The following KLF12 variants were observed in gnomAD, a reference collection of about 807,000 sequenced individuals.
KLF12 encodes the protein Krueppel-like factor 12.
KLF12 carries 9 observed loss-of-function variants against 37.8 expected under a neutral mutation model. The ratio of observed to expected loss-of-function variants is 0.24; its 90% CI spans 0.14 to 0.42. KLF12 has a LOEUF of 0.42. Ranked by LOEUF, KLF12 falls within the 10% of genes least tolerant of loss-of-function variation. The pLI, the probability that KLF12 is intolerant of heterozygous loss-of-function variation, is 1.00. For missense variants in KLF12, 411 were observed against 516.0 expected, an observed-to-expected ratio of 0.80 and a Z score of 1.97; for synonymous variants, 208 against 202.1, an observed-to-expected ratio of 1.03 and a Z score of -0.25.
Position 74,102,972 on chromosome 13 carries a change from C to CT in KLF12, c.-32+30766dup, listed in dbSNP as rs1467158968. Among the ~76,000 whole-genome samples the CT allele has an allele frequency of 7.2e-5, 11 of 152,292 alleles. No homozygotes were observed. In the East Asian group the frequency reaches 2.1e-3, roughly 29 times the overall value. ...TGTCATATCAACATGGACTTCCTCCCTTGGAACTCTATTCACCTGTTTTTT... is the reference window on the plus strand; with the variant it reads ...TGTCATATCAACATGGACTTCCTCCCTTTGGAACTCTATTCACCTGTTTTTT... On this transcript the variant is annotated intron_variant, in intron 1 of 7. Coordinates refer to ENST00000377669, the MANE Select transcript of KLF12 (RefSeq NM_007249.5).
At chr13:73,924,269 C>T (rs1889269003) in intron 3 of KLF12, among the ~76,000 whole-genome samples, 1 of 152,210 alleles carries the variant, frequency 6.6e-6, no homozygotes, top group South Asian at 2.1e-4. Context: ...TTCACATATA[C>T]TGCCTTTTTA....
chr13:73,883,916 ATGGAGTGGCAG>A (rs1887098969), intron 3 of KLF12, among the ~76,000 whole-genome samples: 1 of 152,210 alleles, frequency 6.6e-6, no homozygotes, highest in Non-Finnish European at 1.5e-5. Context: ...CTCTGATAAA[ATGGAGTGGCAG>A]TCAACTTAAT....
At chr13:73,902,963 G>A (rs1888104462) in intron 3 of KLF12, among the ~76,000 whole-genome samples, 1 of 152,180 alleles carries the variant, frequency 6.6e-6, no homozygotes, top group Admixed American at 6.5e-5. Flanking sequence ...ACATCTATCT[G>A]TATATTCTCC....
intron 1 of KLF12, among the ~76,000 whole-genome samples, chr13:74,094,629 T>A (rs1459354635): frequency 6.6e-6 from 1 of 150,688 alleles, no homozygotes; most frequent in East Asian, 2.0e-4. Flanking sequence ...AGATGGAGTA[T>A]CACTCTGTTG....
At chr13:73,892,677 G>A (rs552617050) in intron 3 of KLF12, among the ~76,000 whole-genome samples, 39 of 152,110 alleles carry the variant, frequency 2.6e-4, no homozygotes, top group Admixed American at 6.5e-4. Flanking sequence ...TAAAAAGAAT[G>A]GCATAGAGTT....
At chr13:73,760,291 C>T (rs1253750917) in intron 6 of KLF12, among the ~76,000 whole-genome samples, 1 of 152,092 alleles carries the variant, frequency 6.6e-6, no homozygotes, top group African/African-American at 2.4e-5. Flanking sequence ...GAGAAAACTA[C>T]AAAATTACTT....
chr13:74,214,878 T>A, the KLF12 span, among the ~76,000 whole-genome samples: 3 of 152,130 alleles, frequency 2.0e-5, no homozygotes, highest in Non-Finnish European at 4.4e-5. Flanking sequence ...CACTGCAACC[T>A]CTGCCCCCCG....
chr13:73,964,884 A>T (rs1891131881), intron 2 of KLF12, among the ~76,000 whole-genome samples: 1 of 152,204 alleles, frequency 6.6e-6, no homozygotes, highest in South Asian at 2.1e-4. Context: ...CTGACACATT[A>T]AGGTTGATAT....
chr13:74,152,300 T>C, the KLF12 span, among the ~76,000 whole-genome samples: 5 of 152,244 alleles, frequency 3.3e-5, no homozygotes, highest in African/African-American at 1.2e-4. Flanking sequence ...ATAATTCTTA[T>C]ATAACTTAGG....
the KLF12 span, among the ~76,000 whole-genome samples, chr13:74,157,818 A>C: frequency 6.6e-6 from 1 of 152,158 alleles, no homozygotes; most frequent in Non-Finnish European, 1.5e-5. Context: ...GGTATTGATT[A>C]ATTGGGACCA....
intron 4 of KLF12, among the ~76,000 whole-genome samples, chr13:73,820,745 T>C (rs538793845): frequency 6.6e-6 from 1 of 152,246 alleles, no homozygotes; most frequent in Non-Finnish European, 1.5e-5. Flanking sequence ...GCTACCATTA[T>C]ATTAAAAAAT....
At chr13:74,093,681 AAAG>A (rs1875806610) in intron 1 of KLF12, among the ~76,000 whole-genome samples, 1 of 151,768 alleles carries the variant, frequency 6.6e-6, no homozygotes, top group Non-Finnish European at 1.5e-5. Flanking sequence ...TCACATTTAA[AAAG>A]AAAATAGTTA....
the KLF12 span, among the ~76,000 whole-genome samples, chr13:74,212,307 A>G: frequency 6.6e-6 from 1 of 152,230 alleles, no homozygotes; most frequent in East Asian, 1.9e-4. Context: ...AAGAAATGTT[A>G]CCAACTTTTT....
intron 5 of KLF12, among the ~76,000 whole-genome samples, chr13:73,770,279 T>C (rs1406888631): frequency 1.3e-5 from 2 of 152,176 alleles, no homozygotes; most frequent in Non-Finnish European, 2.9e-5. Context: ...CTAGATGTTA[T>C]TTTAATATAA....
intron 3 of KLF12, among the ~76,000 whole-genome samples, chr13:73,930,758 G>A (rs1219877780): frequency 6.6e-6 from 1 of 151,578 alleles, no homozygotes; most frequent in African/African-American, 2.4e-5. Flanking sequence ...CAGACTGACA[G>A]TAGCAATTTT....
intron 6 of KLF12, among the ~76,000 whole-genome samples, chr13:73,717,520 A>T (rs1188465030): frequency 6.6e-6 from 1 of 152,196 alleles, no homozygotes; most frequent in African/African-American, 2.4e-5. Flanking sequence ...GTGTCTTCAG[A>T]TTTCAGTGTA....
At chr13:74,002,631 G>A (rs1892309469) in intron 1 of KLF12, among the ~76,000 whole-genome samples, 1 of 152,168 alleles carries the variant, frequency 6.6e-6, no homozygotes, top group South Asian at 2.1e-4. Context: ...GGCTCCCAAA[G>A]TGCTGGGATT....
intron 3 of KLF12, among the ~76,000 whole-genome samples, chr13:73,894,978 C>T (rs901896971): frequency 1.3e-5 from 2 of 151,946 alleles, no homozygotes; most frequent in Non-Finnish European, 2.9e-5. Flanking sequence ...TCTCTTAATC[C>T]TCCTATATTT....
At chr13:74,226,086 T>C in the KLF12 span, among the ~76,000 whole-genome samples, 7 of 152,178 alleles carry the variant, frequency 4.6e-5, no homozygotes, top group Non-Finnish European at 7.4e-5. Context: ...TTTAAGCAGA[T>C]AAATGGTGGA....
Sources: allele counts gnomAD v4.1 joint callset (sites outside exome capture counted in the v4.1 genomes callset), GRCh38; gene constraint gnomAD v4.1.1; transcripts MANE v1.5; gene names NCBI Gene and HGNC (gene_info 2026-07-23, HGNC 2026-07-21).